Variants in ANLN observed in about 807,000 individuals in gnomAD.
ANLN encodes the protein anillin.
In ANLN, 59 loss-of-function variants were observed where a neutral mutation model predicts 135.1. That is an observed-to-expected ratio of 0.44 (90% confidence interval 0.35 to 0.54). ANLN has a LOEUF of 0.54. Ranked by LOEUF, ANLN falls within the 20% of genes least tolerant of loss-of-function variation. ANLN has a pLI of 0.00. For synonymous variants in ANLN, 406 were observed against 456.4 expected, an observed-to-expected ratio of 0.89 and a Z score of 1.41; for missense variants, 1,182 against 1,340.0, an observed-to-expected ratio of 0.88 and a Z score of 1.84.
At chr7:36,407,512 T>C (rs1226824219) in intron 4 of ANLN, among the ~76,000 whole-genome samples, 1 of 152,190 alleles carries the variant, frequency 6.6e-6, no homozygotes, top group African/African-American at 2.4e-5. Flanking sequence ...GAGTATATTA[T>C]GCAGACTAAC....
chr7:36,395,924 C>T (rs1030804062), intron 1 of ANLN, among the ~76,000 whole-genome samples: 1 of 152,190 alleles, frequency 6.6e-6, no homozygotes, highest in South Asian at 2.1e-4. Flanking sequence ...CTCACAATAT[C>T]ACTTGTACCA....
chr7:36,410,717 G>A lies in ANLN; in HGVS notation c.1287+13G>A. 6.2e-7 allele frequency: 1 copy of A among 1,606,546 alleles called. No homozygotes were observed. The highest frequency in any genetic ancestry group is 1.1e-5 in the South Asian group (1 of 90,070). ...ACAGCTCAAGCAGGTATGGTGTACT[G>A]CATTTAACATTATTCATCACATGGT... On this transcript the variant is annotated intron_variant, in intron 6 of 23. Coordinates refer to ENST00000265748, the MANE Select transcript of ANLN (RefSeq NM_018685.5).
intron 3 of ANLN, among the ~76,000 whole-genome samples, chr7:36,400,889 G>A (rs1786918235): frequency 6.6e-6 from 1 of 152,138 alleles, no homozygotes; most frequent in Admixed American, 6.5e-5. Context: ...AGGTAATTCT[G>A]ATGCATAGCC....
At chr7:36,390,338 A>G (rs1786384558) in intron 1 of ANLN, 1 of 472,810 alleles carries the variant, frequency 2.1e-6, no homozygotes, top group Non-Finnish European at 3.8e-6. Context: ...GTCCCTCTGC[A>G]GTCCTGGCGC....
Position 36,390,035 on chromosome 7 carries a change from G to A in ANLN, c.9G>A (p.Pro3=). The change falls in exon 1 of 24, where the codon CCG becomes CCA. Residue 3 remains proline, a synonymous_variant. Coordinates refer to ENST00000265748, the MANE Select transcript of ANLN (RefSeq NM_018685.5). ...GTCCGACGCCTGGGGCGATGGATCC[G>A]TTTACGGAGGTGAGTGAGTTTGCGG... MD[P]FTEKLLERTR... is the part of the protein sequence containing the mutation. The A allele has an allele frequency of 6.2e-7, 1 of 1,614,004 alleles. No individual in the cohort carries two copies. Among genetic ancestry groups the A allele is most frequent in the Non-Finnish European group, 8.5e-7 (1 of 1,179,968 alleles).
intron 7 of ANLN, among the ~76,000 whole-genome samples, chr7:36,415,013 A>T (rs757098225): frequency 2.0e-5 from 3 of 152,358 alleles, no homozygotes; most frequent in East Asian, 3.9e-4. Context: ...TGAGCTCTGT[A>T]TAAGTATTAG....
chr7:36,441,428 T>TA (rs944800793), intron 21 of ANLN, among the ~76,000 whole-genome samples: 4 of 152,158 alleles, frequency 2.6e-5, no homozygotes, highest in Admixed American at 1.3e-4. Flanking sequence ...CTACCCCCTA[T>TA]AAAAAATTAG....
intron 20 of ANLN, among the ~76,000 whole-genome samples, chr7:36,431,267 G>T (rs1273735571): frequency 6.6e-6 from 1 of 152,028 alleles, no homozygotes; most frequent in African/African-American, 2.4e-5. Flanking sequence ...GCAGTTGGAG[G>T]TTCATCTCAT....
At chr7:36,424,882 TA>T in intron 17 of ANLN, 140 bp downstream of exon 17, 1 of 767,240 alleles carries the variant, frequency 1.3e-6, no homozygotes, top group Non-Finnish European at 2.1e-6. Flanking sequence ...GTTACTATGT[TA>T]AATAGGTATG....
intron 3 of ANLN, among the ~76,000 whole-genome samples, chr7:36,401,378 G>T (rs375771732): frequency 6.6e-6 from 1 of 152,058 alleles, no homozygotes; most frequent in Admixed American, 6.5e-5. Context: ...TCACTGTGCT[G>T]CCCAGGCTGG....
chr7:36,390,064 C>G lies in ANLN; in HGVS notation c.18+20C>G. On this transcript the variant is annotated intron_variant, in intron 1 of 23. Transcript: ENST00000265748. ...ACGGAGGTGAGTGAGTTTGCGGGTG[C>G]AGCCAGCCATGACCCACCGCTCTAG... 6.2e-7 allele frequency: 1 copy of G among 1,613,460 alleles called. No individual in the cohort carries two copies. The highest frequency in any genetic ancestry group is 1.1e-5 in the South Asian group (1 of 91,054).
rs138215165 is a variant in ANLN, at chr7:36,402,948, T to A, written c.488-3233T>A. On this transcript the variant is annotated intron_variant, in intron 3 of 23. Transcript: ENST00000265748. ...TATTGTCATATTTTAGGAATGGGCT[T>A]AATAAGACCTCTAGCTCTTGTAACT... 2.3e-3 allele frequency among the ~76,000 whole-genome samples: 345 copies of A among 152,220 alleles called. 2 individuals are homozygous for A. Among genetic ancestry groups the A allele is most frequent in the African/African-American group, 7.8e-3 (323 of 41,538 alleles).
intron 20 of ANLN, among the ~76,000 whole-genome samples, chr7:36,435,669 C>T (rs913316042): frequency 6.6e-6 from 1 of 151,524 alleles, no homozygotes; most frequent in African/African-American, 2.4e-5. Flanking sequence ...GTCAGGAGAT[C>T]GAGACCATCC....
intron 21 of ANLN, among the ~76,000 whole-genome samples, chr7:36,440,248 T>A (rs1035244347): frequency 6.6e-6 from 1 of 152,018 alleles, no homozygotes. Context: ...AAAGGACGGA[T>A]GGAAGGAGGG....
chr7:36,407,731 C>T lies in ANLN; in HGVS notation c.874-3C>T. 6.3e-7 allele frequency: 1 copy of T among 1,581,752 alleles called. No individual in the cohort carries two copies. Among genetic ancestry groups the T allele is most frequent in the Non-Finnish European group, 8.6e-7 (1 of 1,162,844 alleles). On this transcript the variant is annotated splice_polypyrimidine_tract_variant and splice_region_variant and intron_variant, in intron 4 of 23. Transcript: ENST00000265748. ...GTTTACCCTAAGTGTTTTCATGTTT[C>T]AGAAAGCTACTTCTCCAGTGAAATC...
intron 21 of ANLN, 61 bp from the exon 22 acceptor site, chr7:36,443,694 T>C (rs1008157204): frequency 1.8e-6 from 2 of 1,108,440 alleles, no homozygotes; most frequent in Non-Finnish European, 2.7e-6. Context: ...AGAATCAGCA[T>C]TTCATTGTTA....
chr7:36,392,881 A>G (rs1786537198), intron 1 of ANLN, among the ~76,000 whole-genome samples: 1 of 152,162 alleles, frequency 6.6e-6, no homozygotes, highest in Non-Finnish European at 1.5e-5. Flanking sequence ...CTGACTCACA[A>G]ATGTTCTAAC....
chr7:36,444,247 G>A (rs1049867526), intron 22 of ANLN, among the ~76,000 whole-genome samples: 12 of 149,986 alleles, frequency 8.0e-5, no homozygotes, highest in African/African-American at 2.0e-4. Context: ...CCGAGATCAC[G>A]CCACGGCACT....
chr7:36,422,630 T>C lies in ANLN; in HGVS notation c.2300-3T>C, dbSNP rs756721257. The C allele has an allele frequency of 6.3e-7, 1 of 1,587,202 alleles. No homozygotes were observed. Among genetic ancestry groups the C allele is most frequent in the Non-Finnish European group, 8.5e-7 (1 of 1,172,142 alleles). ...ATTTGGAATATTGCGTTGTTTTACA[T>C]AGCTGGGAAGAGAACACTTTTGATT... On this transcript the variant is annotated splice_region_variant and splice_polypyrimidine_tract_variant and intron_variant, in intron 13 of 23. Transcript: ENST00000265748.
Sources: gnomAD v4.1 joint callset for allele counts (sites outside exome capture counted in the v4.1 genomes callset) on GRCh38, gnomAD v4.1.1 for gene constraint, MANE v1.5 for transcripts, NCBI Gene and HGNC (gene_info 2026-07-23, HGNC 2026-07-21) for gene names.